Variants in ABCC2 observed in about 807,000 individuals in gnomAD.
ABCC2 encodes ATP-binding cassette sub-family C member 2.
In ABCC2, 157 loss-of-function variants were observed where a neutral mutation model predicts 173.4. That is an observed-to-expected ratio of 0.91 (90% confidence interval 0.80 to 1.03). The LOEUF is 1.03. Among genes scored for constraint, ABCC2 ranks in the 50% least tolerant of loss-of-function variants. ABCC2 has a pLI of 0.00. For synonymous variants in ABCC2, 657 were observed against 693.5 expected (o/e 0.95, Z 0.83); for missense variants, 1,822 against 1,852.3 (o/e 0.98, Z 0.30).
chr10:99,793,271 T>C (rs2037838987), intron 3 of ABCC2, among the ~76,000 whole-genome samples: 1 of 152,188 alleles, frequency 6.6e-6, no homozygotes, highest in Non-Finnish European at 1.5e-5. Flanking sequence ...TTTCTAGCTC[T>C]CAAAGTAACT....
chr10:99,786,633 G>A (rs528918769), intron 2 of ABCC2, among the ~76,000 whole-genome samples: 29 of 152,320 alleles, frequency 1.9e-4, no homozygotes, highest in African/African-American at 6.3e-4. Context: ...TTGGGAGGCC[G>A]AGGTGGGTGG....
Position 99,851,686 on chromosome 10 carries a change from TA to T in ABCC2, c.*56del. On this transcript the variant is annotated 3_prime_UTR_variant, in exon 32 of 32. Coordinates refer to ENST00000647814, the MANE Select transcript of ABCC2 (RefSeq NM_000392.5). ...ATAAGAATAATTTCTTATTTAATTT[TA>T]TTTTTTATAAAATACAGAATACATA... is the stretch of plus-strand genomic sequence containing the variant. The T allele has an allele frequency of 6.7e-7, 1 of 1,489,022 alleles. No homozygotes were observed. Among genetic ancestry groups the T allele is most frequent in the South Asian group, 1.3e-5 (1 of 79,662 alleles). The allele number at this position is 1,489,022 out of a possible 1,614,324, so 92.2% of individuals were successfully genotyped here. A position where few individuals can be genotyped will look rare whatever the true frequency, so the allele number is the denominator to read the frequency against.
chr10:99,786,067 C>T (rs1049825325), intron 2 of ABCC2, among the ~76,000 whole-genome samples: 12 of 152,090 alleles, frequency 7.9e-5, no homozygotes, highest in Admixed American at 5.2e-4. Flanking sequence ...ACCTGAGTGC[C>T]CATCACAGGA....
chr10:99,830,373 A>G lies in ABCC2; in HGVS notation c.2687A>G (p.Glu896Gly). ...GLISSVEEIPEDAASITMRRE... is the reference protein window; with the variant it reads ...GLISSVEEIPGDAASITMRRE... The stretch of plus-strand genomic sequence containing the variant: ...ATATCCAGTGTGGAAGAGATCCCCG[A>G]AGATGCAGCCTCCATAACCATGAGA... The change falls in exon 20 of 32, where the codon GAA (glutamate) becomes GGA (glycine). Residue 896 changes from glutamate (E) to glycine (G), a missense_variant. Coordinates refer to ENST00000647814, the MANE Select transcript of ABCC2 (RefSeq NM_000392.5). 1 of 1,614,188 alleles carries G rather than the reference A, an allele frequency of 6.2e-7. No homozygotes were observed. The highest frequency in any genetic ancestry group is 8.5e-7 in the Non-Finnish European group (1 of 1,180,020).
chr10:99,799,683 T>TG (rs1285007072), intron 8 of ABCC2, among the ~76,000 whole-genome samples: 1 of 152,148 alleles, frequency 6.6e-6, no homozygotes, highest in Non-Finnish European at 1.5e-5. Context: ...AGCATACCCC[T>TG]GGAGAGTAAC....
chr10:99,784,829 T>C, intron 2 of ABCC2, 48 bp downstream of exon 2: 1 of 1,598,846 alleles, frequency 6.3e-7, no homozygotes, highest in South Asian at 1.1e-5. Context: ...TGGTGCACAG[T>C]AGAGACATTT....
chr10:99,844,181 G>A, intron 27 of ABCC2, 141 bp from the exon 28 acceptor site: 1 of 1,035,828 alleles, frequency 9.7e-7, no homozygotes, highest in East Asian at 2.5e-5. Context: ...TGCAAGTCTA[G>A]TTCAGCCTAT....
intron 15 of ABCC2, among the ~76,000 whole-genome samples, chr10:99,812,655 C>G (rs568136642): frequency 6.6e-6 from 1 of 152,292 alleles, no homozygotes; most frequent in South Asian, 2.1e-4. Context: ...CCAGCAGTGT[C>G]AGGGTTGGGA....
At chr10:99,817,573 C>A in intron 17 of ABCC2, 89 bp downstream of exon 17, 1 of 1,400,876 alleles carries the variant, frequency 7.1e-7, no homozygotes, top group Non-Finnish European at 1.0e-6. Flanking sequence ...CAGGGGTAAT[C>A]TAGTTGATTA....
Position 99,847,400 on chromosome 10 carries a change from G to A in ABCC2, c.4313+273G>A, listed in dbSNP as rs558824656. Among the ~76,000 whole-genome samples the A allele has an allele frequency of 4.4e-4, 66 of 151,102 alleles. 2 individuals carry two copies. Among genetic ancestry groups the A allele is most frequent in the African/African-American group, 1.5e-3 (63 of 41,122 alleles). On this transcript the variant is annotated intron_variant, in intron 30 of 31. Coordinates refer to ENST00000647814, the MANE Select transcript of ABCC2 (RefSeq NM_000392.5). ...GTAGATCACCTGAGGTCAGGAGTTC[G>A]TGACCAGCCTGGTCAACATGGTGAA... is the stretch of plus-strand genomic sequence containing the variant.
At chr10:99,795,112 G>C (rs955042700) in intron 6 of ABCC2, among the ~76,000 whole-genome samples, 1 of 152,180 alleles carries the variant, frequency 6.6e-6, no homozygotes, top group African/African-American at 2.4e-5. Flanking sequence ...AGAGGATCTG[G>C]AGCAGGCACC....
intron 2 of ABCC2, among the ~76,000 whole-genome samples, chr10:99,785,329 G>A (rs952018290): frequency 5.3e-5 from 8 of 152,164 alleles, no homozygotes; most frequent in Admixed American, 4.6e-4. Flanking sequence ...GGGAAATAAT[G>A]GAAAGGACAG....
In ABCC2 at chr10:99,804,266, C is replaced by T. The variant is rs17222589; in HGVS notation, c.1457C>T (p.Thr486Ile). Residue 486 changes from threonine to isoleucine, a missense_variant, in exon 10 of 32, where the codon ACC (threonine) becomes ATC (isoleucine). Thr to Ile is a moderately conservative substitution (Grantham distance 89). Transcript: ENST00000647814. The part of the protein sequence containing the change: ...INAILSTKSK[T>I]IQVKNMKNKD... Reference sequence around the variant, plus strand: ...GCGATACTGTCCACCAAGAGTAAGACCATTCAGGTAAAGAAAAAGTCACCC... The same window carrying T: ...GCGATACTGTCCACCAAGAGTAAGATCATTCAGGTAAAGAAAAAGTCACCC... 2.3e-4 allele frequency: 366 copies of T among 1,614,006 alleles called. 1 individual carries two copies. The East Asian group carries it at 7.9e-3, about 35-fold the overall frequency.
At chr10:99,811,007 A>G (rs2038202856) in intron 14 of ABCC2, among the ~76,000 whole-genome samples, 1 of 151,910 alleles carries the variant, frequency 6.6e-6, no homozygotes, top group South Asian at 2.1e-4. Context: ...CTAGGCAACA[A>G]GAGTGAAACT....
At chr10:99,799,415 C>A in intron 8 of ABCC2, 45 bp downstream of exon 8, 2 of 1,607,514 alleles carry the variant, frequency 1.2e-6, no homozygotes, top group Non-Finnish European at 1.7e-6. Context: ...CCTCCTCTGC[C>A]ACCCTCCTTT....
rs1590149143 is a variant in ABCC2 at position 99,799,292 on chromosome 10, T to C, written c.953T>C (p.Phe318Ser). The change falls in exon 8 of 32, where the codon TTC becomes TCC. Residue 318 changes from phenylalanine (F) to serine (S), a missense_variant. Coordinates refer to ENST00000647814, the MANE Select transcript of ABCC2 (RefSeq NM_000392.5). Reference protein sequence around the residue: ...SWLMKALFKTFYMVLLKSFLL... With the variant: ...SWLMKALFKTSYMVLLKSFLL... The stretch of plus-strand genomic sequence containing the variant: ...TTGATGAAGGCTCTGTTCAAAACTT[T>C]CTACATGGTGCTCCTGAAATCATTC... 1 of 1,614,176 alleles carries C rather than the reference T, an allele frequency of 6.2e-7. No individual in the cohort carries two copies. Among genetic ancestry groups the C allele is most frequent in the African/African-American group, 1.3e-5 (1 of 75,052 alleles).
Position 99,813,076 on chromosome 10 carries a change from G to T in ABCC2, c.2026G>T (p.Gly676Trp). The T allele has an allele frequency of 6.2e-7, 1 of 1,614,056 alleles. No homozygotes were observed. The highest frequency in any genetic ancestry group is 8.5e-7 in the Non-Finnish European group (1 of 1,179,928). ...LVAVIGPVGS[G>W]KSSLISAMLG... ...GGCTGTGATAGGCCCTGTCGGCTCT[G>T]GGAAATCCTCCTTGATATCAGCCAT... Residue 676 changes from glycine to tryptophan, a missense_variant, in exon 16 of 32, where the codon GGG becomes TGG. Physicochemically the swap from Gly to Trp is radical, Grantham distance 184 (BLOSUM62 -2). Coordinates refer to ENST00000647814, the MANE Select transcript of ABCC2 (RefSeq NM_000392.5).
chr10:99,794,357 C>T (rs1410600077), intron 5 of ABCC2, 56 bp from the exon 6 acceptor site: 1 of 1,446,356 alleles, frequency 6.9e-7, no homozygotes, highest in African/African-American at 1.4e-5. Context: ...ATTTTAGAGT[C>T]CCATGAAGTT....
At position 99,799,222 on chromosome 10, in the gene ABCC2, A is replaced by C. The variant is rs1166481394; in HGVS notation, c.883A>C (p.Lys295Gln). 2 of 1,613,642 alleles carry C rather than the reference A, an allele frequency of 1.2e-6. No homozygotes were observed. Among genetic ancestry groups the C allele is most frequent in the Non-Finnish European group, 1.7e-6 (2 of 1,179,828 alleles). The change falls in exon 8 of 32, where the codon AAA becomes CAA. Residue 295 changes from lysine (K) to glutamine (Q), a missense_variant. Physicochemically the swap from Lys to Gln is moderately conservative, Grantham distance 53. Transcript: ENST00000647814. ...TTGTACCTAGGAAGATGTTGAAAAG[A>C]AAAAAAAGAAGTCTGGGACCAAAAA... ...DALVLEDVEK[K>Q]KKKSGTKKDV...
Sources: allele counts gnomAD v4.1 joint callset (sites outside exome capture counted in the v4.1 genomes callset), GRCh38; gene constraint gnomAD v4.1.1; transcripts MANE v1.5; gene names NCBI Gene and HGNC (gene_info 2026-07-23, HGNC 2026-07-21).